The following SNED1 variants were observed in gnomAD, a reference collection of about 807,000 sequenced individuals.
SNED1 encodes the protein sushi, nidogen and EGF-like domain-containing protein 1.
A neutral mutation model predicts 166.7 loss-of-function variants in SNED1; 81 were observed. That is an observed-to-expected ratio of 0.49 (90% CI 0.41 to 0.58). The LOEUF (loss-of-function observed/expected upper bound fraction) is 0.58. SNED1 is among the 20% of genes least tolerant of loss of function. The pLI is 0.00. For synonymous variants in SNED1, 762 were observed against 822.0 expected, an observed-to-expected ratio of 0.93 and a Z score of 1.25; for missense variants, 1,604 against 2,000.2, an observed-to-expected ratio of 0.80 and a Z score of 3.78.
intron 1 of SNED1, among the ~76,000 whole-genome samples, chr2:241,009,145 G>A (rs147348483): frequency 6.6e-6 from 1 of 152,348 alleles, no homozygotes; most frequent in African/African-American, 2.4e-5. Flanking sequence ...TCTCAAGATT[G>A]CATCTCTGAT....
intron 16 of SNED1, among the ~76,000 whole-genome samples, chr2:241,058,653 A>C (rs1228401048): frequency 6.6e-6 from 1 of 152,230 alleles, no homozygotes. Flanking sequence ...TTTCCTTGAA[A>C]AGATCATTAA....
At chr2:241,090,238 A>G in intron 31 of SNED1, 2 of 1,494,830 alleles carry the variant, frequency 1.3e-6, no homozygotes. Flanking sequence ...AACTTTTGTT[A>G]AAAACTAAGA....
At chr2:241,012,394 C>T (rs1160492412) in intron 1 of SNED1, among the ~76,000 whole-genome samples, 2 of 152,252 alleles carry the variant, frequency 1.3e-5, no homozygotes, top group South Asian at 2.1e-4. Context: ...ACGCTGCCAC[C>T]GCCCCACCCT....
At chr2:241,017,752 A>C (rs2060640180) in intron 1 of SNED1, among the ~76,000 whole-genome samples, 1 of 152,356 alleles carries the variant, frequency 6.6e-6, no homozygotes, top group African/African-American at 2.4e-5. Flanking sequence ...GCGGGACCTC[A>C]ACCATGACCC....
chr2:241,078,619 G>A (rs76474602), intron 27 of SNED1, among the ~76,000 whole-genome samples: 6 of 151,636 alleles, frequency 4.0e-5, no homozygotes, highest in Non-Finnish European at 7.4e-5. Flanking sequence ...TACATTAGCG[G>A]TTGCTCAGGA....
chr2:241,008,115 C>T (rs1047862208), intron 1 of SNED1, among the ~76,000 whole-genome samples: 3 of 152,258 alleles, frequency 2.0e-5, no homozygotes, highest in Admixed American at 6.5e-5. Context: ...CTGACAGGTC[C>T]GGACCACGTG....
intron 27 of SNED1, among the ~76,000 whole-genome samples, chr2:241,076,961 C>T (rs182589949): frequency 0.026 from 3,974 of 152,194 alleles, 177 homozygotes; most frequent in African/African-American, 0.091. Context: ...CGCCTGTGGT[C>T]CCAGCTACTC....
Position 241,094,514 on chromosome 2 carries a change from T to G in SNED1, c.*2878T>G, listed in dbSNP as rs971296704. ...CTCACACCTACCAGGGGTATTCCAG[T>G]GCATAGGGGAAAGGAACCCGGCTGA... is the stretch of plus-strand genomic sequence containing the variant. On this transcript the variant is annotated 3_prime_UTR_variant, in exon 32 of 32. Coordinates refer to ENST00000310397, the MANE Select transcript of SNED1 (RefSeq NM_001080437.3). This position sits in a 1 kb window ranked among gnomAD's most constrained non-coding sequence, Gnocchi z 4.3. 2 of 396,970 alleles carry G rather than the reference T, an allele frequency of 5.0e-6. No individual in the cohort carries two copies. Among genetic ancestry groups the G allele is most frequent in the African/African-American group, 4.2e-5 (2 of 47,124 alleles). The allele number at this position is 396,970 out of a possible 1,614,324, so 24.6% of individuals were successfully genotyped here. A position where few individuals can be genotyped will look rare whatever the true frequency, so the allele number is the denominator to read the frequency against.
In SNED1 at chr2:241,027,985, G is replaced by A. The variant is rs564946726; in HGVS notation, c.214-2299G>A. 1.1e-4 allele frequency among the ~76,000 whole-genome samples: 17 copies of A among 152,046 alleles called. No individual in the cohort carries two copies. In the South Asian group the frequency reaches 1.9e-3, roughly 17 times the overall value. On this transcript the variant is annotated intron_variant, in intron 1 of 31. Coordinates refer to ENST00000310397, the MANE Select transcript of SNED1 (RefSeq NM_001080437.3). The stretch of plus-strand genomic sequence containing the variant: ...CCTGACCTCGTGATCCACCCACCTC[G>A]GCCTCCCAGAGTGATGGGATTACAG...
chr2:241,048,563 T>G, intron 9 of SNED1, 99 bp from the exon 10 acceptor site: 1 of 1,496,372 alleles, frequency 6.7e-7, no homozygotes, highest in East Asian at 2.4e-5. Flanking sequence ...TCCACTGCAA[T>G]TTGTATGGGA....
At position 241,030,610 on chromosome 2, in the gene SNED1, G is replaced by A. The variant is rs1016821557; in HGVS notation, c.501+39G>A. The A allele has an allele frequency of 5.0e-6, 8 of 1,600,132 alleles. No homozygotes were observed. The African/African-American group carries it at 9.4e-5, about 19-fold the overall frequency. ...CTTGTCCTGGGGAGGGTGGGTGTGT[G>A]GCTAGGGCCCAGGGTCTCCCCGCAC... On this transcript the variant is annotated intron_variant, in intron 2 of 31. Transcript: ENST00000310397.
chr2:241,041,649 C>T (rs1444638634), intron 8 of SNED1, among the ~76,000 whole-genome samples: 1 of 152,022 alleles, frequency 6.6e-6, no homozygotes, highest in Non-Finnish European at 1.5e-5. Context: ...CGCACCACTG[C>T]ACTCCACCCT....
At chr2:241,027,976 A>C (rs2124963719) in intron 1 of SNED1, among the ~76,000 whole-genome samples, 1 of 151,890 alleles carries the variant, frequency 6.6e-6, no homozygotes, top group African/African-American at 2.4e-5. Context: ...CTCGTGATCC[A>C]CCCACCTCGG....
chr2:241,044,909 G>T (rs191041208), intron 8 of SNED1, among the ~76,000 whole-genome samples: 2 of 152,312 alleles, frequency 1.3e-5, no homozygotes, highest in Non-Finnish European at 2.9e-5. Context: ...ACTGAAAAAG[G>T]TAGCCCCAGA....
chr2:241,031,566 A>C (rs539820387), intron 2 of SNED1, among the ~76,000 whole-genome samples: 1 of 152,278 alleles, frequency 6.6e-6, no homozygotes, highest in South Asian at 2.1e-4. Context: ...CAGAAGCATA[A>C]CCCAGCCAGG....
intron 6 of SNED1, among the ~76,000 whole-genome samples, chr2:241,038,675 C>T (rs770606950): frequency 4.6e-5 from 7 of 152,380 alleles, no homozygotes; most frequent in South Asian, 2.1e-4. Flanking sequence ...GTGCTCTCAA[C>T]GTGAGACGGG....
intron 26 of SNED1, 158 bp downstream of exon 26, chr2:241,072,036 C>G (rs781728494): frequency 1.4e-6 from 1 of 734,216 alleles, no homozygotes; most frequent in Non-Finnish European, 2.4e-6. Flanking sequence ...GCGCGGGGCT[C>G]GTGGGCCGCC....
chr2:241,069,611 G>A lies in SNED1; in HGVS notation c.3308-309G>A, dbSNP rs745882470. 2.5e-4 allele frequency among the ~76,000 whole-genome samples: 38 copies of A among 152,158 alleles called. 1 individual carries two copies. Among genetic ancestry groups the A allele is most frequent in the South Asian group, 4.1e-4 (2 of 4,832 alleles). On this transcript the variant is annotated intron_variant, in intron 23 of 31. Coordinates refer to ENST00000310397, the MANE Select transcript of SNED1 (RefSeq NM_001080437.3). The surrounding 1 kb of genome is among the most constrained non-coding windows in gnomAD (Gnocchi z 4.9). Reference sequence around the variant, plus strand: ...CAGGGGAGTCTGCACAGGGCTCCACGCAGCCAGGCTCAGGGGAACCGACTG... The same window carrying A: ...CAGGGGAGTCTGCACAGGGCTCCACACAGCCAGGCTCAGGGGAACCGACTG...
At chr2:241,090,833 C>T (rs113787111) in intron 31 of SNED1, among the ~76,000 whole-genome samples, 1 of 149,754 alleles carries the variant, frequency 6.7e-6, no homozygotes, top group African/African-American at 2.5e-5. Flanking sequence ...CGCCACTATA[C>T]TACAGCTTAG....
Sources: allele counts gnomAD v4.1 joint callset (sites outside exome capture counted in the v4.1 genomes callset), GRCh38; gene constraint gnomAD v4.1.1; non-coding constraint Gnocchi (gnomAD v3.1); transcripts MANE v1.5; gene names NCBI Gene and HGNC (gene_info 2026-07-23, HGNC 2026-07-21).